The following CSNK1G3 variants were observed in gnomAD, a reference collection of about 807,000 sequenced individuals.
CSNK1G3 encodes casein kinase 1 gamma 3.
In CSNK1G3, 23 loss-of-function variants were observed where a neutral mutation model predicts 64.3. The observed-to-expected ratio is 0.36, with a 90% CI of 0.26 to 0.51. The LOEUF is 0.51. Ranked by LOEUF, CSNK1G3 falls within the 20% of genes least tolerant of loss-of-function variation. The pLI, the probability that CSNK1G3 is intolerant of heterozygous loss-of-function variation, is 0.96. For missense variants in CSNK1G3, 357 were observed against 510.5 expected (o/e 0.70, Z 2.90); for synonymous variants, 158 against 162.2 (o/e 0.97, Z 0.20).
chr5:123,560,185 C>T (rs1785405106), intron 4 of CSNK1G3, among the ~76,000 whole-genome samples: 1 of 152,068 alleles, frequency 6.6e-6, no homozygotes, highest in Admixed American at 6.6e-5. Flanking sequence ...CTTCATACCC[C>T]TCAATATGGC....
intron 2 of CSNK1G3, among the ~76,000 whole-genome samples, chr5:123,549,560 G>A (rs1206443879): frequency 1.3e-5 from 2 of 152,162 alleles, no homozygotes; most frequent in African/African-American, 4.8e-5. Flanking sequence ...AAAGTCACTG[G>A]AATTATTCAA....
chr5:123,608,492 A>C (rs1795750401), intron 12 of CSNK1G3, among the ~76,000 whole-genome samples: 1 of 152,208 alleles, frequency 6.6e-6, no homozygotes, highest in Admixed American at 6.6e-5. Context: ...ACTTAGGAAA[A>C]CAAAATAATT....
intron 12 of CSNK1G3, among the ~76,000 whole-genome samples, chr5:123,613,432 TGC>T (rs1373292667): frequency 0.011 from 1,657 of 148,134 alleles, 31 homozygotes; most frequent in African/African-American, 0.036. Flanking sequence ...TGTGTGTGTG[TGC>T]GTATGTATGT....
intron 1 of CSNK1G3, 68 bp downstream of exon 1, chr5:123,512,638 G>A (rs1362302349): frequency 6.7e-6 from 1 of 149,580 alleles, no homozygotes; most frequent in African/African-American, 2.4e-5. Flanking sequence ...GCGCGGCCGC[G>A]GCGCCCTCCC....
chr5:123,539,605 G>A (rs1259186324), intron 1 of CSNK1G3, among the ~76,000 whole-genome samples: 8 of 151,970 alleles, frequency 5.3e-5, no homozygotes, highest in Non-Finnish European at 1.0e-4. Context: ...AAGAATTTTT[G>A]TATCTATGCT....
intron 6 of CSNK1G3, among the ~76,000 whole-genome samples, chr5:123,580,455 GTTAT>G (rs1173236581): frequency 6.6e-6 from 1 of 151,852 alleles, no homozygotes; most frequent in East Asian, 1.9e-4. Flanking sequence ...TCTTAACTAG[GTTAT>G]TTATGTTCAG....
At chr5:123,570,656 G>T (rs1324572377) in intron 4 of CSNK1G3, among the ~76,000 whole-genome samples, 1 of 152,018 alleles carries the variant, frequency 6.6e-6, no homozygotes, top group African/African-American at 2.4e-5. Context: ...GCGCCCAGCC[G>T]ACAGTCCTTT....
chr5:123,575,075 T>C (rs577896465), intron 5 of CSNK1G3, among the ~76,000 whole-genome samples: 1 of 152,318 alleles, frequency 6.6e-6, no homozygotes, highest in Non-Finnish European at 1.5e-5. Flanking sequence ...CTCTATTTTA[T>C]GACAGTTTGT....
At chr5:123,546,568 A>G (rs1319061526) in intron 2 of CSNK1G3, among the ~76,000 whole-genome samples, 2 of 152,038 alleles carry the variant, frequency 1.3e-5, no homozygotes, top group Admixed American at 6.6e-5. Context: ...TTCCATTGCA[A>G]AAAACTAAGA....
chr5:123,582,416 T>A (rs1790474239), intron 6 of CSNK1G3, among the ~76,000 whole-genome samples: 1 of 152,138 alleles, frequency 6.6e-6, no homozygotes, highest in African/African-American at 2.4e-5. Flanking sequence ...GGATTACAAA[T>A]AACTGTTTTC....
At chr5:123,550,632 A>G (rs993735625) in intron 2 of CSNK1G3, among the ~76,000 whole-genome samples, 6 of 152,216 alleles carry the variant, frequency 3.9e-5, no homozygotes, top group South Asian at 4.1e-4. Flanking sequence ...TGGTAAAACT[A>G]TATTTTCAAG....
intron 1 of CSNK1G3, among the ~76,000 whole-genome samples, chr5:123,534,618 A>G (rs1780489713): frequency 6.6e-6 from 1 of 152,166 alleles, no homozygotes; most frequent in Non-Finnish European, 1.5e-5. Context: ...TCCATCTGAC[A>G]GCCAGCAAAA....
chr5:123,527,618 T>C (rs1202149426), intron 1 of CSNK1G3, among the ~76,000 whole-genome samples: 1 of 152,204 alleles, frequency 6.6e-6, no homozygotes, highest in Non-Finnish European at 1.5e-5. Flanking sequence ...GGCCTTTGCA[T>C]ATACTAGTCT....
At chr5:123,583,515 C>A (rs1790741186) in intron 6 of CSNK1G3, among the ~76,000 whole-genome samples, 1 of 152,210 alleles carries the variant, frequency 6.6e-6, no homozygotes. Flanking sequence ...CATGTGCCAC[C>A]ATGCCCAGCT....
chr5:123,608,157 A>C (rs979910354), intron 12 of CSNK1G3, among the ~76,000 whole-genome samples: 7 of 152,078 alleles, frequency 4.6e-5, no homozygotes, highest in African/African-American at 1.7e-4. Flanking sequence ...GTAACTAGGG[A>C]CCTGCTTAGA....
rs77863119 is a variant in CSNK1G3, at chr5:123,520,476, A to AT, written c.-248+7922dup. On this transcript the variant is annotated intron_variant, in intron 1 of 12. Coordinates refer to ENST00000345990, the Ensembl canonical transcript of CSNK1G3. ...ATTTCTACCATCAGAAAAAACAGTA[A>AT]TTTTTTTTTTTTTTTTGAGGGGGGT... Among the ~76,000 whole-genome samples, 655 of 138,728 alleles carry AT rather than the reference A, an allele frequency of 4.7e-3. 2 individuals carry two copies. The highest frequency in any genetic ancestry group is 9.6e-3 in the African/African-American group (365 of 37,948). 91.0% of individuals were successfully genotyped at this position (138,728 alleles called of 152,430 possible).
chr5:123,534,894 G>A (rs1780540687), intron 1 of CSNK1G3, among the ~76,000 whole-genome samples: 1 of 152,084 alleles, frequency 6.6e-6, no homozygotes, highest in South Asian at 2.1e-4. Context: ...ATTTGGTCAT[G>A]TCCAAGTGTG....
intron 1 of CSNK1G3, 79 bp downstream of exon 1, chr5:123,512,649 T>G (rs1776391854): frequency 7.0e-6 from 1 of 141,864 alleles, no homozygotes; most frequent in Non-Finnish European, 1.5e-5. Context: ...GCGCCCTCCC[T>G]CCCGGGTGGG....
chr5:123,531,076 T>C (rs1212199291), intron 1 of CSNK1G3, among the ~76,000 whole-genome samples: 1 of 152,100 alleles, frequency 6.6e-6, no homozygotes, highest in Non-Finnish European at 1.5e-5. Flanking sequence ...AAACACTGAA[T>C]GAGTCGTTTC....
Sources: allele counts gnomAD v4.1 joint callset (sites outside exome capture counted in the v4.1 genomes callset), GRCh38; gene constraint gnomAD v4.1.1; transcripts MANE v1.5; gene names NCBI Gene and HGNC (gene_info 2026-07-23, HGNC 2026-07-21).